SH3BP4: variants seen among roughly 807,000 people sequenced by gnomAD.
SH3BP4 encodes SH3 domain binding protein 4.
In SH3BP4, 33 loss-of-function variants were observed where a neutral mutation model predicts 65.5. That is an observed-to-expected ratio of 0.50 (90% CI 0.38 to 0.67). SH3BP4 has a LOEUF of 0.67. Ranked by LOEUF, SH3BP4 falls within the 30% of genes least tolerant of loss-of-function variation. The pLI is 0.00. For synonymous variants in SH3BP4, 552 were observed against 545.5 expected (o/e 1.01, Z -0.17); for missense variants, 1,134 against 1,261.4 (o/e 0.90, Z 1.53).
chr2:234,985,922 G>T (rs1180474136), intron 1 of SH3BP4, among the ~76,000 whole-genome samples: 1 of 149,168 alleles, frequency 6.7e-6, no homozygotes, highest in Admixed American at 6.6e-5. Context: ...ACGAGAACAG[G>T]GACCATGTGC....
chr2:234,986,838 CTTG>C (rs1216839299), intron 1 of SH3BP4, among the ~76,000 whole-genome samples: 26 of 150,174 alleles, frequency 1.7e-4, no homozygotes, highest in Admixed American at 7.9e-4. Flanking sequence ...AAGTTTCACT[CTTG>C]TTGTCCAGGC....
chr2:235,005,433 C>G (rs1694264038), intron 2 of SH3BP4, among the ~76,000 whole-genome samples: 1 of 152,256 alleles, frequency 6.6e-6, no homozygotes, highest in African/African-American at 2.4e-5. Context: ...CCCTTCCCCA[C>G]TTCCCTGGCG....
chr2:234,991,534 T>C lies in SH3BP4; in HGVS notation c.-206-3769T>C, dbSNP rs763909875. On this transcript the variant is annotated intron_variant, in intron 1 of 5. Coordinates refer to ENST00000392011, the MANE Select transcript of SH3BP4 (RefSeq NM_014521.3). This position sits in a 1 kb window ranked among gnomAD's most constrained non-coding sequence, Gnocchi z 4.2. ...GATGTTTCTTGAAACAACTGGAGAA[T>C]AAGGCATCCTCTAGACTTTCTGCTA... Among the ~76,000 whole-genome samples, 4 of 152,214 alleles carry C rather than the reference T, an allele frequency of 2.6e-5. No individual in the cohort carries two copies. Among genetic ancestry groups the C allele is most frequent in the Non-Finnish European group, 5.9e-5 (4 of 68,042 alleles).
At chr2:235,049,656 T>A (rs375268030) in intron 4 of SH3BP4, among the ~76,000 whole-genome samples, 120 of 152,362 alleles carry the variant, frequency 7.9e-4, no homozygotes, top group African/African-American at 2.5e-3. Flanking sequence ...TTAAAACAAT[T>A]TGTTTTGAAT....
chr2:235,032,780 G>A (rs1559251588), intron 2 of SH3BP4, among the ~76,000 whole-genome samples: 1 of 152,054 alleles, frequency 6.6e-6, no homozygotes, highest in Non-Finnish European at 1.5e-5. Context: ...TGGGGTGGAA[G>A]GAGGCCTCCT....
rs1350112539 is a variant in SH3BP4 at position 235,055,032 on chromosome 2, A to G, written c.*1216A>G. 2.0e-5 allele frequency: 3 copies of G among 152,274 alleles called. No homozygotes were observed. Among genetic ancestry groups the G allele is most frequent in the Non-Finnish European group, 2.9e-5 (2 of 68,052 alleles). 9.4% of individuals were successfully genotyped at this position (152,274 alleles called of 1,614,324 possible). On this transcript the variant is annotated 3_prime_UTR_variant, in exon 6 of 6. Transcript: ENST00000392011. ...TTGTAAAAATGAAAATGTGACTCAC[A>G]TAAAATCAGGAACTTGACACAGTGT...
chr2:235,014,305 G>A (rs1694618309), intron 2 of SH3BP4, among the ~76,000 whole-genome samples: 2 of 152,164 alleles, frequency 1.3e-5, no homozygotes, highest in African/African-American at 2.4e-5. Context: ...CGAGTTTTGT[G>A]GTGGAGGCCT....
At chr2:235,000,950 G>A (rs892154548) in intron 2 of SH3BP4, among the ~76,000 whole-genome samples, 2 of 152,206 alleles carry the variant, frequency 1.3e-5, no homozygotes, top group African/African-American at 4.8e-5. Context: ...GGCAGCTCTG[G>A]ACTTTGCTCT....
At chr2:235,006,484 A>C in intron 2 of SH3BP4, among the ~76,000 whole-genome samples, 1 of 151,512 alleles carries the variant, frequency 6.6e-6, no homozygotes, top group East Asian at 2.0e-4. Context: ...CAGCGGATGA[A>C]GGTCCCGATG....
intron 1 of SH3BP4, among the ~76,000 whole-genome samples, chr2:234,987,673 T>G (rs773245990): frequency 6.6e-6 from 1 of 152,166 alleles, no homozygotes; most frequent in African/African-American, 2.4e-5. Context: ...CTTGGCTTGC[T>G]TTTAGGTGGT....
rs1362944168 is a variant in SH3BP4 at position 235,046,735 on chromosome 2, GATGAATGAATGAATGATGAATGAATGA to G, written c.2478+3500_2478+3526del. 1.3e-5 allele frequency among the ~76,000 whole-genome samples: 2 copies of G among 149,876 alleles called. No homozygotes were observed. The highest frequency in any genetic ancestry group is 3.0e-5 in the Non-Finnish European group (2 of 67,760). ...TAAGTGATTGAATGAATGAATGATG[GATGAATGAATGAATGATGAATGAATGA>G]ATGAATGAATGCAGGCCTTGGGCTG... On this transcript the variant is annotated intron_variant, in intron 4 of 5. Transcript: ENST00000392011. The surrounding 1 kb of genome is among the most constrained non-coding windows in gnomAD (Gnocchi z 4.2).
At chr2:234,953,250 A>G (rs1183870966) in intron 1 of SH3BP4, 3 of 152,246 alleles carry the variant, frequency 2.0e-5, no homozygotes, top group African/African-American at 7.2e-5. Context: ...AGAGAAATAT[A>G]AACAGCAAAC....
chr2:235,027,358 C>T lies in SH3BP4; in HGVS notation c.-132-7513C>T, dbSNP rs1038892389. Among the ~76,000 whole-genome samples the T allele has an allele frequency of 1.4e-4, 22 of 152,064 alleles. 1 individual carries two copies. Among genetic ancestry groups the T allele is most frequent in the African/African-American group, 4.6e-4 (19 of 41,394 alleles). ...AGTCCCTCCCACCCACCCCAGGCCC[C>T]GAAGGCTTCTCCACTATAGCAACGG... On this transcript the variant is annotated intron_variant, in intron 2 of 5. Coordinates refer to ENST00000392011, the MANE Select transcript of SH3BP4 (RefSeq NM_014521.3).
chr2:234,960,879 G>A (rs1393711002), intron 1 of SH3BP4, among the ~76,000 whole-genome samples: 1 of 152,200 alleles, frequency 6.6e-6, no homozygotes, highest in Non-Finnish European at 1.5e-5. Flanking sequence ...CACGTATCAT[G>A]TTCTTCTTAC....
At chr2:234,982,767 C>T (rs1469009425) in intron 1 of SH3BP4, among the ~76,000 whole-genome samples, 1 of 152,088 alleles carries the variant, frequency 6.6e-6, no homozygotes, top group Non-Finnish European at 1.5e-5. Context: ...GCTGACCTGG[C>T]TGGAGTGACC....
chr2:235,051,481 T>C (rs764314367), intron 4 of SH3BP4, among the ~76,000 whole-genome samples: 3 of 152,204 alleles, frequency 2.0e-5, no homozygotes, highest in Non-Finnish European at 4.4e-5. Flanking sequence ...GACTTCACTG[T>C]CCCAGCAGGG....
At chr2:235,025,355 G>A (rs946525055) in intron 2 of SH3BP4, among the ~76,000 whole-genome samples, 8 of 152,264 alleles carry the variant, frequency 5.3e-5, no homozygotes, top group African/African-American at 1.7e-4. Context: ...AGAAGACATG[G>A]TGGGGGCCCC....
chr2:235,045,376 T>C lies in SH3BP4; in HGVS notation c.2478+2129T>C, dbSNP rs981141270. Among the ~76,000 whole-genome samples, 1 of 152,218 alleles carries C rather than the reference T, an allele frequency of 6.6e-6. No homozygotes were observed. Among genetic ancestry groups the C allele is most frequent in the Non-Finnish European group, 1.5e-5 (1 of 68,042 alleles). On this transcript the variant is annotated intron_variant, in intron 4 of 5. Transcript: ENST00000392011. This position sits in a 1 kb window ranked among gnomAD's most constrained non-coding sequence, Gnocchi z 4.3. ...TTTTACACTCATTTTCCTGCTTTTTTATCTTTTTCCAAAAGACATAAATGA... is the reference window on the plus strand; with the variant it reads ...TTTTACACTCATTTTCCTGCTTTTTCATCTTTTTCCAAAAGACATAAATGA...
In SH3BP4 at chr2:235,038,311, ATT is replaced by A. The variant is rs1491158501; in HGVS notation, c.119-2576_119-2575del. On this transcript the variant is annotated intron_variant, in intron 3 of 5. Transcript: ENST00000392011. The stretch of plus-strand genomic sequence containing the variant: ...TATAATATATATATTATATATATAT[ATT>A]ATATATTATATATATATTATATATA... 8.9e-4 allele frequency among the ~76,000 whole-genome samples: 18 copies of A among 20,218 alleles called. 1 individual carries two copies. In the South Asian group the frequency reaches 0.02, roughly 22 times the overall value. 13.3% of individuals were successfully genotyped at this position (20,218 alleles called of 152,430 possible). A position where few individuals can be genotyped will look rare whatever the true frequency, so the allele number is the denominator to read the frequency against.
Sources: gnomAD v4.1 joint callset for allele counts (sites outside exome capture counted in the v4.1 genomes callset) on GRCh38, gnomAD v4.1.1 for gene constraint, Gnocchi (gnomAD v3.1) non-coding constraint, MANE v1.5 for transcripts, NCBI Gene and HGNC (gene_info 2026-07-23, HGNC 2026-07-21) for gene names.